The following TMEM182 variants were observed in gnomAD, a reference collection of about 807,000 sequenced individuals.
TMEM182 encodes the protein transmembrane protein 182.
Under a neutral mutation model 26.8 loss-of-function variants are expected in TMEM182, and 20 were observed. The observed-to-expected ratio is 0.75, with a 90% CI of 0.53 to 1.09. TMEM182 has a LOEUF of 1.09. TMEM182 is among the 50% of genes least tolerant of loss of function. TMEM182 has a pLI of 0.00. For missense variants in TMEM182, 277 were observed against 275.5 expected, an observed-to-expected ratio of 1.01 and a Z score of -0.04; for synonymous variants, 109 against 102.2, an observed-to-expected ratio of 1.07 and a Z score of -0.40.
rs981508132 is a variant in TMEM182, at chr2:102,816,295, G to T, written c.*1327G>T. ...CTGCAGCTGTTGTGAGGACAGAGAG[G>T]CATGGCCCACAGGCAAAAAAAGTCA... On this transcript the variant is annotated 3_prime_UTR_variant, in exon 5 of 5. Transcript: ENST00000412401. The T allele has an allele frequency of 1.1e-5, 11 of 985,132 alleles. No homozygotes were observed. Among genetic ancestry groups the T allele is most frequent in the Non-Finnish European group, 1.3e-5 (11 of 829,922 alleles). 61.0% of individuals were successfully genotyped at this position (985,132 alleles called of 1,614,324 possible). A position where few individuals can be genotyped will look rare whatever the true frequency, so the allele number is the denominator to read the frequency against.
intron 3 of TMEM182, among the ~76,000 whole-genome samples, chr2:102,779,802 G>C (rs1681085641): frequency 6.6e-6 from 1 of 151,972 alleles, no homozygotes; most frequent in Non-Finnish European, 1.5e-5. Context: ...TTTGAGACCA[G>C]CCTGGCCAAC....
intron 3 of TMEM182, among the ~76,000 whole-genome samples, chr2:102,841,334 C>T (rs1683346517): frequency 6.6e-6 from 1 of 152,192 alleles, no homozygotes; most frequent in African/African-American, 2.4e-5. Context: ...CCTGCAGAAG[C>T]ACAGGGGACA....
chr2:102,744,389 G>A (rs1679628223), intron 1 of TMEM182, among the ~76,000 whole-genome samples: 1 of 152,074 alleles, frequency 6.6e-6, no homozygotes, highest in Non-Finnish European at 1.5e-5. Flanking sequence ...AAATTTGTGA[G>A]ATGCAACAAA....
chr2:102,745,167 T>C (rs1023269174), intron 1 of TMEM182, among the ~76,000 whole-genome samples: 4 of 152,020 alleles, frequency 2.6e-5, no homozygotes, highest in Non-Finnish European at 4.4e-5. Flanking sequence ...GATCTGTGTT[T>C]ACGTTCACCA....
chr2:102,821,343 A>G (rs973369040), downstream of TMEM182, among the ~76,000 whole-genome samples: 1 of 152,146 alleles, frequency 6.6e-6, no homozygotes, highest in Non-Finnish European at 1.5e-5. Flanking sequence ...TGTTTGGGTC[A>G]TGAGGGTGGA....
chr2:102,770,742 G>C (rs1249972672), intron 3 of TMEM182, among the ~76,000 whole-genome samples: 1 of 152,162 alleles, frequency 6.6e-6, no homozygotes, highest in Admixed American at 6.5e-5. Context: ...ACTGCGGCTT[G>C]GAATAGCCAC....
intron 3 of TMEM182, among the ~76,000 whole-genome samples, chr2:102,840,116 G>C (rs753662250): frequency 2.0e-5 from 3 of 152,138 alleles, no homozygotes; most frequent in Non-Finnish European, 4.4e-5. Flanking sequence ...TGCCACTAGA[G>C]GGCGCATTTC....
intron 1 of TMEM182, among the ~76,000 whole-genome samples, chr2:102,739,495 G>T (rs140556023): frequency 6.6e-6 from 1 of 152,120 alleles, no homozygotes; most frequent in African/African-American, 2.4e-5. Flanking sequence ...GGTTTCTCAC[G>T]AATGGTTTAG....
chr2:102,810,082 G>T (rs993770924), intron 4 of TMEM182, among the ~76,000 whole-genome samples: 6 of 152,060 alleles, frequency 3.9e-5, no homozygotes, highest in Non-Finnish European at 8.8e-5. Context: ...TCTAAGAAGT[G>T]AAAGATCAAG....
At chr2:102,838,745 G>A (rs1176722267) in intron 3 of TMEM182, among the ~76,000 whole-genome samples, 1 of 152,134 alleles carries the variant, frequency 6.6e-6, no homozygotes, top group African/African-American at 2.4e-5. Context: ...TTGGTGGAAT[G>A]GCCTGTGGTG....
intron 4 of TMEM182, among the ~76,000 whole-genome samples, chr2:102,799,612 C>T (rs1682026654): frequency 6.6e-6 from 1 of 152,186 alleles, no homozygotes; most frequent in African/African-American, 2.4e-5. Flanking sequence ...TGGTCATAGA[C>T]TAAGTGGGGA....
chr2:102,775,787 T>C (rs369217072), intron 3 of TMEM182, among the ~76,000 whole-genome samples: 5 of 152,006 alleles, frequency 3.3e-5, no homozygotes, highest in South Asian at 4.1e-4. Flanking sequence ...CTCCCATTCA[T>C]AATTGCTTCA....
At chr2:102,793,698 G>C (rs114497922) in intron 3 of TMEM182, among the ~76,000 whole-genome samples, 1,942 of 152,172 alleles carry the variant, frequency 0.013, 42 homozygotes, top group African/African-American at 0.045. Flanking sequence ...TTGCTATACT[G>C]TATTGTTTTA....
At position 102,816,252 on chromosome 2, in the gene TMEM182, G is replaced by C. The variant is rs1261760218; in HGVS notation, c.*1284G>C. 2 of 985,256 alleles carry C rather than the reference G, an allele frequency of 2.0e-6. No individual in the cohort carries two copies. Among genetic ancestry groups the C allele is most frequent in the Non-Finnish European group, 2.4e-6 (2 of 829,952 alleles). 61.0% of individuals were successfully genotyped at this position (985,256 alleles called of 1,614,324 possible). ...TCGGCAGGGTATGTGAGCTTTGTTG[G>C]AGGTGCGGTGTTTCATTCTGCAGCT... On this transcript the variant is annotated 3_prime_UTR_variant, in exon 5 of 5. Transcript: ENST00000412401.
At position 102,816,234 on chromosome 2, in the gene TMEM182, G is replaced by A; in HGVS notation, c.*1266G>A. On this transcript the variant is annotated 3_prime_UTR_variant, in exon 5 of 5. Transcript: ENST00000412401. The stretch of plus-strand genomic sequence containing the variant: ...CCTCCATCGCAGGGGAGCTCGGCAG[G>A]GTATGTGAGCTTTGTTGGAGGTGCG... The A allele has an allele frequency of 1.0e-6, 1 of 985,324 alleles. No homozygotes were observed. The highest frequency in any genetic ancestry group is 1.2e-6 in the Non-Finnish European group (1 of 829,928). The allele number at this position is 985,324 out of a possible 1,614,324, so 61.0% of individuals were successfully genotyped here.
At chr2:102,779,777 A>C (rs551710047) in intron 3 of TMEM182, among the ~76,000 whole-genome samples, 1 of 151,526 alleles carries the variant, frequency 6.6e-6, no homozygotes, top group East Asian at 2.0e-4. Context: ...CGGGTGGATC[A>C]CCCGAAGTCA....
chr2:102,827,596 T>C (rs1284927101), intron 3 of TMEM182, among the ~76,000 whole-genome samples: 1 of 152,166 alleles, frequency 6.6e-6, no homozygotes, highest in Non-Finnish European at 1.5e-5. Flanking sequence ...GCATCACTGA[T>C]CTTGGAAGAC....
chr2:102,740,400 T>C (rs943275172), intron 1 of TMEM182, among the ~76,000 whole-genome samples: 3 of 152,116 alleles, frequency 2.0e-5, no homozygotes, highest in Non-Finnish European at 4.4e-5. Flanking sequence ...TTCCCCCTCT[T>C]GCTCAGTACT....
intron 4 of TMEM182, among the ~76,000 whole-genome samples, chr2:102,805,921 A>G (rs542187465): frequency 6.6e-6 from 1 of 152,024 alleles, no homozygotes; most frequent in Non-Finnish European, 1.5e-5. Flanking sequence ...AACAAAAAAA[A>G]CCCATACTGT....
Sources: allele counts gnomAD v4.1 joint callset (sites outside exome capture counted in the v4.1 genomes callset), GRCh38; gene constraint gnomAD v4.1.1; transcripts MANE v1.5; gene names NCBI Gene and HGNC (gene_info 2026-07-23, HGNC 2026-07-21).